Variants in EIF4G3 observed in about 807,000 individuals in gnomAD.
EIF4G3 encodes the protein eIF-4-gamma 3.
A neutral mutation model predicts 186.4 loss-of-function variants in EIF4G3; 34 were observed. That is an observed-to-expected ratio of 0.18 (90% confidence interval 0.14 to 0.24). The LOEUF (loss-of-function observed/expected upper bound fraction) is 0.24, where lower values mean the gene tolerates loss of function less well. EIF4G3 is among the 10% of genes least tolerant of loss of function. EIF4G3 has a pLI of 1.00. For synonymous variants in EIF4G3, 673 were observed against 679.5 expected, an observed-to-expected ratio of 0.99 and a Z score of 0.15; for missense variants, 1,536 against 1,948.5, an observed-to-expected ratio of 0.79 and a Z score of 3.99.
At chr1:21,154,026 T>C (rs2097592635) in intron 2 of EIF4G3, among the ~76,000 whole-genome samples, 1 of 152,202 alleles carries the variant, frequency 6.6e-6, no homozygotes, top group South Asian at 2.1e-4. Context: ...GCACCAGACT[T>C]AGCCAGCAGC....
chr1:20,959,697 TC>T (rs2096529287), intron 12 of EIF4G3, among the ~76,000 whole-genome samples: 1 of 139,328 alleles, frequency 7.2e-6, no homozygotes, highest in Non-Finnish European at 1.6e-5. Flanking sequence ...ATAATAATAA[TC>T]CCATCAAAAA....
intron 30 of EIF4G3, among the ~76,000 whole-genome samples, chr1:20,830,493 A>G (rs1180182260): frequency 6.6e-6 from 1 of 152,220 alleles, no homozygotes; most frequent in Non-Finnish European, 1.5e-5. Context: ...CTTTGGGTTC[A>G]GTTAATGTAC....
intron 2 of EIF4G3, among the ~76,000 whole-genome samples, chr1:21,169,450 C>T (rs937496694): frequency 1.3e-5 from 2 of 151,562 alleles, no homozygotes; most frequent in African/African-American, 4.9e-5. Flanking sequence ...TCTCTCCCCC[C>T]AAAAAAATAA....
chr1:21,028,901 TGTTTGAGATACA>T (rs1557606241), intron 4 of EIF4G3, among the ~76,000 whole-genome samples: 1 of 152,258 alleles, frequency 6.6e-6, no homozygotes, highest in Non-Finnish European at 1.5e-5. Context: ...ATTAATTTTT[TGTTTGAGATACA>T]GTCTTGCTGT....
chr1:21,105,225 C>A (rs1420172073), intron 2 of EIF4G3, among the ~76,000 whole-genome samples: 1 of 152,166 alleles, frequency 6.6e-6, no homozygotes, highest in Middle Eastern at 3.2e-3. Flanking sequence ...GAGTTCAAGA[C>A]CAGCCTGGCC....
chr1:20,836,727 A>G (rs2154548744), intron 30 of EIF4G3, among the ~76,000 whole-genome samples: 1 of 152,338 alleles, frequency 6.6e-6, no homozygotes, highest in East Asian at 1.9e-4. Flanking sequence ...AATTTTTACA[A>G]CCTTGGTCTT....
chr1:20,983,252 C>T (rs181206244), intron 7 of EIF4G3, among the ~76,000 whole-genome samples: 1 of 151,796 alleles, frequency 6.6e-6, no homozygotes, highest in Non-Finnish European at 1.5e-5. Context: ...AGCAGGAGAA[C>T]GGAATAAATG....
intron 11 of EIF4G3, among the ~76,000 whole-genome samples, chr1:20,971,988 AC>A (rs892993789): frequency 6.6e-6 from 1 of 152,026 alleles, no homozygotes; most frequent in African/African-American, 2.4e-5. Flanking sequence ...GCTATAAATC[AC>A]CCCACCTATC....
intron 8 of EIF4G3, among the ~76,000 whole-genome samples, chr1:20,981,563 C>T (rs899806753): frequency 3.4e-5 from 4 of 119,152 alleles, no homozygotes; most frequent in African/African-American, 6.7e-5. Context: ...TACATACATA[C>T]ATGTATACGC....
Position 20,814,768 on chromosome 1 carries a change from TCCCCCTCCCCCTCC to T in EIF4G3, c.4516-1543_4516-1530del, listed in dbSNP as rs2060066333. Reference sequence around the variant, plus strand: ...ATTCATCTCCCCCTCCCCCTCCCCCTCCCCCTCCCCCTCCCCCTCTCCCTCTCCCCACAGTCTCC... The same window carrying T: ...ATTCATCTCCCCCTCCCCCTCCCCCTCCCTCTCCCTCTCCCCACAGTCTCC... On this transcript the variant is annotated intron_variant, in intron 34 of 36. Coordinates refer to ENST00000602326, the MANE Select transcript of EIF4G3 (RefSeq NM_001391906.1). Among the ~76,000 whole-genome samples, 16 of 12,004 alleles carry T rather than the reference TCCCCCTCCCCCTCC, an allele frequency of 1.3e-3. 1 individual carries two copies. The highest frequency in any genetic ancestry group is 1.5e-4 in the Non-Finnish European group (1 of 6,494). The allele number at this position is 12,004 out of a possible 152,430, so 7.9% of individuals were successfully genotyped here. A position where few individuals can be genotyped will look rare whatever the true frequency, so the allele number is the denominator to read the frequency against.
chr1:20,884,169 T>A (rs184487683), intron 19 of EIF4G3, among the ~76,000 whole-genome samples: 3 of 152,346 alleles, frequency 2.0e-5, no homozygotes, highest in Admixed American at 6.5e-5. Flanking sequence ...AAAGGAATTT[T>A]AAAAATTCTC....
At chr1:21,060,454 TG>T (rs1343643970) in intron 3 of EIF4G3, among the ~76,000 whole-genome samples, 1 of 152,212 alleles carries the variant, frequency 6.6e-6, no homozygotes, top group Non-Finnish European at 1.5e-5. Context: ...TTTAAGTCCT[TG>T]TTGGCATGGT....
intron 7 of EIF4G3, 133 bp downstream of exon 7, chr1:20,997,468 T>C: frequency 3.4e-6 from 3 of 884,242 alleles, no homozygotes; most frequent in South Asian, 2.9e-5. Context: ...AGCTGAATTA[T>C]ATCAGATAAA....
In EIF4G3 at chr1:20,921,146, GAAA is replaced by G. The variant is rs1159284477; in HGVS notation, c.1664-16178_1664-16176del. Among the ~76,000 whole-genome samples, 8 of 151,850 alleles carry G rather than the reference GAAA, an allele frequency of 5.3e-5. No homozygotes were observed. In the East Asian group the frequency reaches 1.5e-3, roughly 29 times the overall value. On this transcript the variant is annotated intron_variant, in intron 14 of 36. Transcript: ENST00000602326. ...ACCCTAAATATACCATATGCATAAAGAAAAAAAATCTTCTAATTTTTCCGTTGA... is the reference window on the plus strand; with the variant it reads ...ACCCTAAATATACCATATGCATAAAGAAAAATCTTCTAATTTTTCCGTTGA...
chr1:20,969,690 C>G lies in EIF4G3; in HGVS notation c.592-94G>C, dbSNP rs892301836. ...TGAGTTAAAGGTGCAAACTGGGAAA[C>G]CTGTCAAATATCAAAGGTGATAATC... is the stretch of plus-strand genomic sequence containing the variant. On this transcript the variant is annotated intron_variant, in intron 11 of 36. Coordinates refer to ENST00000602326, the MANE Select transcript of EIF4G3 (RefSeq NM_001391906.1). 5.0e-6 allele frequency: 6 copies of G among 1,199,514 alleles called. No individual in the cohort carries two copies. In the Admixed American group the frequency reaches 6.5e-5, roughly 13 times the overall value. The allele number at this position is 1,199,514 out of a possible 1,614,324, so 74.3% of individuals were successfully genotyped here. A position where few individuals can be genotyped will look rare whatever the true frequency, so the allele number is the denominator to read the frequency against.
At chr1:20,973,160 G>T (rs2076227151) in intron 10 of EIF4G3, 61 bp from the exon 11 acceptor site, 2 of 1,208,292 alleles carry the variant, frequency 1.7e-6, no homozygotes, top group Admixed American at 1.9e-5. Flanking sequence ...TACAGAACTA[G>T]CAATGACACT....
chr1:21,116,605 A>C (rs2096827603), intron 2 of EIF4G3, among the ~76,000 whole-genome samples: 1 of 152,048 alleles, frequency 6.6e-6, no homozygotes, highest in Non-Finnish European at 1.5e-5. Flanking sequence ...TGGGAGGCTG[A>C]GGGGGGTGCG....
chr1:21,116,720 T>C (rs2102284249), intron 2 of EIF4G3, among the ~76,000 whole-genome samples: 1 of 151,090 alleles, frequency 6.6e-6, no homozygotes. Context: ...GCACCTGTAA[T>C]CCCAGCTACT....
intron 25 of EIF4G3, 45 bp downstream of exon 25, chr1:20,857,358 G>C: frequency 1.4e-6 from 2 of 1,404,920 alleles, no homozygotes; most frequent in South Asian, 1.2e-5. Flanking sequence ...TAATATCAAA[G>C]GCATCAAAGG....
Sources: gnomAD v4.1 joint callset for allele counts (sites outside exome capture counted in the v4.1 genomes callset) on GRCh38, gnomAD v4.1.1 for gene constraint, MANE v1.5 for transcripts, NCBI Gene and HGNC (gene_info 2026-07-23, HGNC 2026-07-21) for gene names.